TRAK1: variants seen among roughly 807,000 people sequenced by gnomAD.
TRAK1 encodes trafficking kinesin protein 1.
Under a neutral mutation model 92.1 loss-of-function variants are expected in TRAK1, and 33 were observed. That is an observed-to-expected ratio of 0.36 (90% confidence interval 0.27 to 0.48). The LOEUF (loss-of-function observed/expected upper bound fraction) is 0.48, where lower values mean the gene tolerates loss of function less well. Among genes scored for constraint, TRAK1 ranks in the 20% least tolerant of loss-of-function variants. The pLI is 0.99. For synonymous variants in TRAK1, 521 were observed against 517.3 expected (o/e 1.01, Z -0.10); for missense variants, 1,123 against 1,257.9 (o/e 0.89, Z 1.62).
At chr3:42,200,244 C>T (rs917837695) in intron 11 of TRAK1, among the ~76,000 whole-genome samples, 2 of 152,166 alleles carry the variant, frequency 1.3e-5, no homozygotes, top group African/African-American at 4.8e-5. Flanking sequence ...ACCCTTTTCT[C>T]TTTAAAAGGG....
At chr3:42,062,611 T>A (rs1475713191) in intron 1 of TRAK1, among the ~76,000 whole-genome samples, 1 of 152,204 alleles carries the variant, frequency 6.6e-6, no homozygotes, top group Non-Finnish European at 1.5e-5. Flanking sequence ...TGCATGCTAC[T>A]CTGTGTGAAA....
chr3:42,196,998 TCTCTCACA>T (rs1266646712), intron 10 of TRAK1, among the ~76,000 whole-genome samples: 55 of 94,838 alleles, frequency 5.8e-4, no homozygotes, highest in African/African-American at 1.5e-3. Flanking sequence ...TCTCTCTCTC[TCTCTCACA>T]CACACACACA....
intron 13 of TRAK1, among the ~76,000 whole-genome samples, chr3:42,204,615 C>T (rs889622923): frequency 1.1e-4 from 16 of 152,162 alleles, no homozygotes; most frequent in African/African-American, 1.9e-4. Flanking sequence ...AACAGGGTCT[C>T]GCTGTGTCAC....
chr3:42,195,058 T>TTCAGAC, intron 10 of TRAK1, 117 bp downstream of exon 10: 2 of 1,268,956 alleles, frequency 1.6e-6, no homozygotes, highest in Non-Finnish European at 2.1e-6. Flanking sequence ...CGTTGTACAG[T>TTCAGAC]TCAGATCTGA....
chr3:42,211,594 T>TA, intron 14 of TRAK1: 1 of 985,400 alleles, frequency 1.0e-6, no homozygotes, highest in Non-Finnish European at 1.2e-6. Flanking sequence ...GATGCTCCCC[T>TA]ACAGCCTTAC....
chr3:42,022,343 A>T (rs2148881291), intron 1 of TRAK1, among the ~76,000 whole-genome samples: 2 of 152,356 alleles, frequency 1.3e-5, no homozygotes, highest in Admixed American at 1.3e-4. Flanking sequence ...TGTGACAGGC[A>T]AATCATTGGT....
chr3:42,037,185 A>G (rs1418435978), intron 1 of TRAK1, among the ~76,000 whole-genome samples: 3 of 152,176 alleles, frequency 2.0e-5, no homozygotes, highest in African/African-American at 4.8e-5. Context: ...GAAATGTGCT[A>G]TTGTTGTAGT....
chr3:42,061,609 AT>A (rs753406594), intron 1 of TRAK1, among the ~76,000 whole-genome samples: 8 of 152,092 alleles, frequency 5.3e-5, no homozygotes, highest in African/African-American at 7.2e-5. Context: ...GAGACACTTA[AT>A]ATAGAAATCC....
At chr3:42,044,438 A>G (rs1429254752) in intron 1 of TRAK1, among the ~76,000 whole-genome samples, 4 of 152,262 alleles carry the variant, frequency 2.6e-5, no homozygotes, top group Non-Finnish European at 4.4e-5. Context: ...CTGGGAATAC[A>G]GAAGTGAGCC....
In TRAK1 at chr3:42,167,740, C is replaced by T. The variant is rs551746395; in HGVS notation, c.287-9074C>T. 7.9e-5 allele frequency among the ~76,000 whole-genome samples: 12 copies of T among 152,154 alleles called. No homozygotes were observed. The East Asian group carries it at 1.5e-3, about 20-fold the overall frequency. The stretch of plus-strand genomic sequence containing the variant: ...CTAAAAATACAAAAAATTAGCTGGG[C>T]GTGGTGGTGGGCACCTGTGGTCCCA... On this transcript the variant is annotated intron_variant, in intron 2 of 15. Coordinates refer to ENST00000327628, the MANE Select transcript of TRAK1 (RefSeq NM_001042646.3).
chr3:42,060,412 C>T (rs1236042963), intron 1 of TRAK1, among the ~76,000 whole-genome samples: 3 of 151,936 alleles, frequency 2.0e-5, no homozygotes, highest in African/African-American at 7.3e-5. Flanking sequence ...GATACCAAGA[C>T]CTCTGGGTTC....
chr3:42,152,110 G>T (rs1476710447), intron 2 of TRAK1, among the ~76,000 whole-genome samples: 2 of 152,214 alleles, frequency 1.3e-5, no homozygotes, highest in South Asian at 4.1e-4. Flanking sequence ...AGGGTTAGGA[G>T]AACTTTATTC....
At chr3:42,209,607 C>T (rs142128328) in intron 13 of TRAK1, among the ~76,000 whole-genome samples, 160 bp from the exon 14 acceptor site, 12 of 152,254 alleles carry the variant, frequency 7.9e-5, no homozygotes, top group East Asian at 5.8e-4. Context: ...AGGGCTAAGG[C>T]GGCTCCACTG....
At chr3:42,037,282 A>G (rs982931633) in intron 1 of TRAK1, among the ~76,000 whole-genome samples, 2 of 152,240 alleles carry the variant, frequency 1.3e-5, no homozygotes, top group Non-Finnish European at 2.9e-5. Flanking sequence ...TTGGACAAAT[A>G]TACACGGTGT....
At chr3:42,049,668 G>A (rs1702903985) in intron 1 of TRAK1, among the ~76,000 whole-genome samples, 1 of 151,356 alleles carries the variant, frequency 6.6e-6, no homozygotes, top group Admixed American at 6.6e-5. Flanking sequence ...CATTTGTTTG[G>A]TATTTCCTCA....
chr3:42,132,290 TCTC>T (rs1697318132), intron 2 of TRAK1, among the ~76,000 whole-genome samples: 2 of 150,866 alleles, frequency 1.3e-5, no homozygotes, highest in African/African-American at 4.9e-5. Flanking sequence ...GAGTCAGTCT[TCTC>T]CTGTCACCCG....
Position 42,201,074 on chromosome 3 carries a change from T to G in TRAK1, c.1427+20T>G. The G allele has an allele frequency of 3.1e-6, 5 of 1,612,176 alleles. No homozygotes were observed. Among genetic ancestry groups the G allele is most frequent in the Non-Finnish European group, 4.2e-6 (5 of 1,178,190 alleles). ...CCTGGGGTGAGCAAGCTGGGAGTTTTCACTTCTCTGTTTTGGGGTGAGGAG... is the reference window on the plus strand; with the variant it reads ...CCTGGGGTGAGCAAGCTGGGAGTTTGCACTTCTCTGTTTTGGGGTGAGGAG... On this transcript the variant is annotated intron_variant, in intron 12 of 15. Coordinates refer to ENST00000327628, the MANE Select transcript of TRAK1 (RefSeq NM_001042646.3).
At chr3:42,113,668 G>A (rs1192999997) in intron 1 of TRAK1, among the ~76,000 whole-genome samples, 1 of 152,048 alleles carries the variant, frequency 6.6e-6, no homozygotes, top group African/African-American at 2.4e-5. Context: ...ACCGACCTCA[G>A]CCTCCCAAAG....
intron 10 of TRAK1, among the ~76,000 whole-genome samples, chr3:42,197,866 C>T (rs1706974011): frequency 6.6e-6 from 1 of 152,168 alleles, no homozygotes; most frequent in Non-Finnish European, 1.5e-5. Flanking sequence ...CCTGGAGTCC[C>T]CAGGCGGTAT....
Sources: gnomAD v4.1 joint callset for allele counts (sites outside exome capture counted in the v4.1 genomes callset) on GRCh38, gnomAD v4.1.1 for gene constraint, MANE v1.5 for transcripts, NCBI Gene and HGNC (gene_info 2026-07-23, HGNC 2026-07-21) for gene names.